Variants in FRMPD4 observed in about 807,000 individuals in gnomAD.
FRMPD4 encodes FERM and PDZ domain-containing protein 4.
FRMPD4 carries 22 observed loss-of-function variants against 94.1 expected under a neutral mutation model. The ratio of observed to expected loss-of-function variants is 0.23; its 90% confidence interval spans 0.17 to 0.33. The LOEUF (loss-of-function observed/expected upper bound fraction) is 0.33, where lower values mean the gene tolerates loss of function less well. FRMPD4 is among the 10% of genes least tolerant of loss of function. The probability of loss-of-function intolerance (pLI) is 1.00; values close to 1 mark genes in which losing one functional copy is unlikely to be tolerated. For missense variants in FRMPD4, 1,111 were observed against 1,339.9 expected (o/e 0.83, Z 2.67); for synonymous variants, 631 against 548.6 (o/e 1.15, Z -2.10).
chrX:12,329,536 C>T (rs377249214), intron 1 of FRMPD4, among the ~76,000 whole-genome samples: 13 of 110,707 alleles, frequency 1.2e-4, no homozygotes, highest in East Asian at 8.5e-4. Context: ...CCCAACAATA[C>T]GCATGTGAAG....
intron 3 of FRMPD4, among the ~76,000 whole-genome samples, chrX:12,011,369 C>T (rs1169588068): frequency 8.9e-6 from 1 of 112,162 alleles, no homozygotes; most frequent in Non-Finnish European, 1.9e-5. Flanking sequence ...CACTGTCCAA[C>T]ATGGCCAGCC....
chrX:12,159,754 C>T (rs778601057), intron 1 of FRMPD4, among the ~76,000 whole-genome samples: 2 of 112,024 alleles, frequency 1.8e-5, no homozygotes, highest in Non-Finnish European at 3.8e-5. Flanking sequence ...GTGAGAGACA[C>T]AACACTTAAA....
At chrX:12,387,523 C>A (rs111903760) in intron 1 of FRMPD4, among the ~76,000 whole-genome samples, 6 of 111,496 alleles carry the variant, frequency 5.4e-5, no homozygotes, top group Non-Finnish European at 1.1e-4. Context: ...TAAGGTGTCA[C>A]GATTGAAGAG....
At chrX:12,364,649 G>A (rs932567794) in intron 1 of FRMPD4, among the ~76,000 whole-genome samples, 10 of 111,261 alleles carry the variant, frequency 9.0e-5, no homozygotes, top group Non-Finnish European at 5.7e-5. Context: ...AGGAGTCCAG[G>A]CAAGGTGACT....
intron 1 of FRMPD4, among the ~76,000 whole-genome samples, chrX:11,832,346 A>G (rs1238844950): frequency 8.9e-6 from 1 of 111,858 alleles, no homozygotes. Flanking sequence ...TCTCAGACAA[A>G]GTGATTCAAG....
chrX:12,027,090 TTTGA>T (rs1569144928), intron 3 of FRMPD4, among the ~76,000 whole-genome samples: 1 of 112,314 alleles, frequency 8.9e-6, no homozygotes, highest in Non-Finnish European at 1.9e-5. Flanking sequence ...AGGCAGCTTA[TTTGA>T]TTGTTAAAAA....
At chrX:12,030,504 A>G (rs1296743732) in intron 3 of FRMPD4, among the ~76,000 whole-genome samples, 2 of 111,710 alleles carry the variant, frequency 1.8e-5, no homozygotes, top group Admixed American at 1.9e-4. Context: ...GGCAACTGAA[A>G]TTTCTGAAAA....
chrX:12,387,706 T>G (rs765809713), intron 1 of FRMPD4, among the ~76,000 whole-genome samples: 1 of 103,678 alleles, frequency 9.6e-6, no homozygotes, highest in Admixed American at 1.0e-4. Flanking sequence ...TTTTGTTTGT[T>G]TTTTTTTTTC....
intron 1 of FRMPD4, among the ~76,000 whole-genome samples, chrX:12,422,836 T>C (rs190012476): frequency 4.8e-4 from 54 of 112,312 alleles, no homozygotes; most frequent in Non-Finnish European, 8.3e-4. Context: ...ACACAGGTTT[T>C]TTTTGGTTCT....
At chrX:12,150,798 C>A (rs760352514) in intron 1 of FRMPD4, among the ~76,000 whole-genome samples, 1 of 111,247 alleles carries the variant, frequency 9.0e-6, no homozygotes, top group East Asian at 2.8e-4. Context: ...GGGAGATGTA[C>A]AAAGAGACTA....
At chrX:12,501,399 A>G (rs1287276919) in intron 2 of FRMPD4, among the ~76,000 whole-genome samples, 3 of 110,290 alleles carry the variant, frequency 2.7e-5, no homozygotes, top group Non-Finnish European at 1.9e-5. Context: ...CTTTATCACT[A>G]ATGAGTTTTA....
chrX:12,529,328 G>A (rs771924512), intron 2 of FRMPD4, among the ~76,000 whole-genome samples: 1 of 112,619 alleles, frequency 8.9e-6, no homozygotes, highest in Non-Finnish European at 1.9e-5. Context: ...AAACTGAGAA[G>A]GCTAAAAAGA....
At chrX:12,005,619 G>T (rs1468885416) in intron 3 of FRMPD4, among the ~76,000 whole-genome samples, 2 of 111,050 alleles carry the variant, frequency 1.8e-5, no homozygotes, top group Non-Finnish European at 3.8e-5. Flanking sequence ...ATCATCTTTC[G>T]ACAGACATGT....
chrX:12,442,790 T>C (rs761768255), intron 1 of FRMPD4, among the ~76,000 whole-genome samples: 7 of 111,867 alleles, frequency 6.3e-5, no homozygotes, highest in African/African-American at 2.3e-4. Context: ...TGAATGTTTA[T>C]AGCAACATTA....
At chrX:12,499,061 A>C (rs1456438180) in intron 2 of FRMPD4, among the ~76,000 whole-genome samples, 1 of 111,086 alleles carries the variant, frequency 9.0e-6, no homozygotes, top group Non-Finnish European at 1.9e-5. Context: ...ACTGTGTAGC[A>C]TGGTAAGCCT....
chrX:12,673,081 G>T, intron 4 of FRMPD4, among the ~76,000 whole-genome samples: 1 of 111,255 alleles, frequency 9.0e-6, no homozygotes, highest in East Asian at 2.8e-4. Context: ...CTGGAGAAAG[G>T]ATATCTGATT....
chrX:12,349,323 GA>G (rs1221296772), intron 1 of FRMPD4, among the ~76,000 whole-genome samples: 1 of 110,714 alleles, frequency 9.0e-6, no homozygotes, highest in East Asian at 2.8e-4. Context: ...TATTTGCACT[GA>G]AGATGGTGAG....
At chrX:12,333,981 T>C (rs2055475217) in intron 1 of FRMPD4, among the ~76,000 whole-genome samples, 1 of 111,923 alleles carries the variant, frequency 8.9e-6, no homozygotes, top group African/African-American at 3.2e-5. Context: ...GCTTTTCTGA[T>C]GTGTGTAAGG....
intron 1 of FRMPD4, among the ~76,000 whole-genome samples, chrX:12,368,325 G>A (rs16986846): frequency 0.027 from 2,981 of 112,123 alleles, 105 homozygotes; most frequent in African/African-American, 0.091. Flanking sequence ...AACAGCTGAC[G>A]TTACCAGGAG....
Sources: gnomAD v4.1 joint callset for allele counts (sites outside exome capture counted in the v4.1 genomes callset) on GRCh38, gnomAD v4.1.1 for gene constraint, MANE v1.5 for transcripts, NCBI Gene and HGNC (gene_info 2026-07-23, HGNC 2026-07-21) for gene names.